Variants in MDGA2 observed in about 807,000 individuals in gnomAD.
The protein encoded by MDGA2 is MAM domain-containing glycosylphosphatidylinositol anchor protein 2.
A neutral mutation model predicts 117.8 loss-of-function variants in MDGA2; 40 were observed. The observed-to-expected ratio is 0.34, with a 90% confidence interval of 0.26 to 0.44. The LOEUF is 0.44. MDGA2 is among the 20% of genes least tolerant of loss of function. The pLI is 1.00. For synonymous variants in MDGA2, 452 were observed against 439.0 expected, an observed-to-expected ratio of 1.03 and a Z score of -0.37; for missense variants, 1,123 against 1,250.6, an observed-to-expected ratio of 0.90 and a Z score of 1.54.
At chr14:47,670,973 A>AT (rs1478841245) in intron 1 of MDGA2, among the ~76,000 whole-genome samples, 1 of 152,044 alleles carries the variant, frequency 6.6e-6, no homozygotes, top group Non-Finnish European at 1.5e-5. Context: ...AGTCCATATG[A>AT]TTTTTTTGTG....
chr14:46,937,114 T>G (rs886213077), intron 9 of MDGA2, among the ~76,000 whole-genome samples: 8 of 151,906 alleles, frequency 5.3e-5, no homozygotes, highest in African/African-American at 1.9e-4. Context: ...CAATATCAGC[T>G]TACACAAATC....
At chr14:47,271,851 C>T (rs532275982) in intron 2 of MDGA2, among the ~76,000 whole-genome samples, 7 of 152,124 alleles carry the variant, frequency 4.6e-5, no homozygotes, top group African/African-American at 1.7e-4. Context: ...ATTGTGGTGA[C>T]CAAATTCCAG....
intron 1 of MDGA2, among the ~76,000 whole-genome samples, chr14:47,442,578 G>C (rs1161400219): frequency 1.3e-5 from 2 of 151,992 alleles, no homozygotes; most frequent in African/African-American, 4.8e-5. Context: ...CTACCTTATA[G>C]GTATTATTAT....
At chr14:47,119,023 T>A (rs1594641176) in intron 5 of MDGA2, among the ~76,000 whole-genome samples, 1 of 151,404 alleles carries the variant, frequency 6.6e-6, no homozygotes, top group African/African-American at 2.4e-5. Context: ...ATTACAGGTG[T>A]GAGCCACCAT....
intron 11 of MDGA2, among the ~76,000 whole-genome samples, chr14:46,877,798 A>G (rs1226997960): frequency 2.6e-5 from 4 of 151,848 alleles, no homozygotes; most frequent in African/African-American, 9.7e-5. Flanking sequence ...GACCTCTTAA[A>G]TATCTGAACT....
At chr14:46,995,480 A>T (rs1345163231) in intron 8 of MDGA2, among the ~76,000 whole-genome samples, 1 of 152,190 alleles carries the variant, frequency 6.6e-6, no homozygotes, top group Non-Finnish European at 1.5e-5. Context: ...TAGGAAGTTA[A>T]TGAATTACAA....
intron 3 of MDGA2, among the ~76,000 whole-genome samples, chr14:47,165,030 T>G (rs1383418666): frequency 6.6e-6 from 1 of 151,952 alleles, no homozygotes; most frequent in Non-Finnish European, 1.5e-5. Flanking sequence ...ATGTTCTCAC[T>G]CATAGGTGGG....
intron 8 of MDGA2, among the ~76,000 whole-genome samples, chr14:46,977,182 T>A (rs1308531483): frequency 1.3e-5 from 2 of 151,770 alleles, no homozygotes. Context: ...AGATTAAAAA[T>A]TAACTCTAGA....
intron 1 of MDGA2, among the ~76,000 whole-genome samples, chr14:47,551,125 T>A (rs960848969): frequency 6.6e-6 from 1 of 152,170 alleles, no homozygotes; most frequent in Non-Finnish European, 1.5e-5. Flanking sequence ...AAATATTAAG[T>A]TAAAATACAA....
At chr14:47,454,710 T>C (rs892687806) in intron 1 of MDGA2, among the ~76,000 whole-genome samples, 3 of 152,180 alleles carry the variant, frequency 2.0e-5, no homozygotes, top group African/African-American at 7.2e-5. Context: ...TGGGCACCTA[T>C]TATAATGGGT....
At chr14:47,131,204 A>G (rs1882188447) in intron 5 of MDGA2, among the ~76,000 whole-genome samples, 2 of 152,154 alleles carry the variant, frequency 1.3e-5, no homozygotes, top group South Asian at 2.1e-4. Context: ...TCTGGGGTCT[A>G]TATTATTGAA....
intron 1 of MDGA2, among the ~76,000 whole-genome samples, chr14:47,397,157 A>C (rs780590506): frequency 6.6e-5 from 10 of 152,230 alleles, no homozygotes; most frequent in Non-Finnish European, 1.0e-4. Flanking sequence ...AGCCAAAAAA[A>C]AGGATGAGTT....
chr14:47,035,644 G>A (rs1888819738), intron 7 of MDGA2, among the ~76,000 whole-genome samples: 1 of 152,168 alleles, frequency 6.6e-6, no homozygotes, highest in African/African-American at 2.4e-5. Flanking sequence ...GCATTCAGCT[G>A]TGTAGACTCA....
intron 1 of MDGA2, among the ~76,000 whole-genome samples, chr14:47,429,814 G>A (rs529765056): frequency 1.3e-5 from 2 of 151,830 alleles, no homozygotes; most frequent in African/African-American, 4.8e-5. Flanking sequence ...GTAATACCAA[G>A]TAATTTCATG....
chr14:47,612,225 T>C (rs1224954450), intron 1 of MDGA2, among the ~76,000 whole-genome samples: 6 of 151,610 alleles, frequency 4.0e-5, no homozygotes, highest in Admixed American at 1.3e-4. Flanking sequence ...GATAGATAGA[T>C]AGATAGATAG....
At chr14:47,355,104 G>A (rs1025478363) in intron 1 of MDGA2, among the ~76,000 whole-genome samples, 2 of 152,158 alleles carry the variant, frequency 1.3e-5, no homozygotes, top group African/African-American at 4.8e-5. Flanking sequence ...TGGAGTTTGT[G>A]GGGAGCATGC....
intron 1 of MDGA2, among the ~76,000 whole-genome samples, chr14:47,483,050 T>C (rs1160059896): frequency 6.6e-6 from 1 of 152,158 alleles, no homozygotes; most frequent in East Asian, 1.9e-4. Context: ...TGACATTTTA[T>C]GACATACTTT....
At chr14:47,287,064 T>C (rs9671434) in intron 2 of MDGA2, among the ~76,000 whole-genome samples, 1 of 151,858 alleles carries the variant, frequency 6.6e-6, no homozygotes, top group African/African-American at 2.4e-5. Context: ...ACTATTCTTA[T>C]GTTACACAAG....
intron 7 of MDGA2, chr14:47,059,346 A>T: frequency 7.9e-7 from 1 of 1,271,540 alleles, no homozygotes; most frequent in Non-Finnish European, 1.0e-6. Flanking sequence ...TTTTGGAAGA[A>T]GTCAATATAT....
Sources: allele counts gnomAD v4.1 joint callset (sites outside exome capture counted in the v4.1 genomes callset), GRCh38; gene constraint gnomAD v4.1.1; transcripts MANE v1.5; gene names NCBI Gene and HGNC (gene_info 2026-07-23, HGNC 2026-07-21).